Variants in NPR3 observed in about 807,000 individuals in gnomAD.
NPR3 encodes natriuretic peptide receptor 3.
A neutral mutation model predicts 54.5 loss-of-function variants in NPR3; 34 were observed. That is an observed-to-expected ratio of 0.62 (90% CI 0.47 to 0.83). The LOEUF (loss-of-function observed/expected upper bound fraction) is 0.83, where lower values mean the gene tolerates loss of function less well. Among genes scored for constraint, NPR3 ranks in the 40% least tolerant of loss-of-function variants. The pLI, the probability that NPR3 is intolerant of heterozygous loss-of-function variation, is 0.00. For missense variants in NPR3, 674 were observed against 720.8 expected, an observed-to-expected ratio of 0.94 and a Z score of 0.74; for synonymous variants, 289 against 297.1, an observed-to-expected ratio of 0.97 and a Z score of 0.28.
chr5:32,724,577 A>G, intron 1 of NPR3, 121 bp from the exon 2 acceptor site: 1 of 1,126,412 alleles, frequency 8.9e-7, no homozygotes, highest in Non-Finnish European at 1.3e-6. Context: ...AGTGATTGTG[A>G]GGAGATACTT....
chr5:32,768,021 C>G (rs923922138), intron 3 of NPR3, among the ~76,000 whole-genome samples: 1 of 152,164 alleles, frequency 6.6e-6, no homozygotes, highest in African/African-American at 2.4e-5. Context: ...TATTGCTGCC[C>G]GGCACAGTTG....
chr5:32,750,315 T>C (rs1289307663), intron 3 of NPR3, among the ~76,000 whole-genome samples: 1 of 152,108 alleles, frequency 6.6e-6, no homozygotes, highest in Non-Finnish European at 1.5e-5. Flanking sequence ...TTTGGATTTT[T>C]AGTAGAGACA....
chr5:32,712,394 C>T lies in NPR3; in HGVS notation c.618C>T (p.Asp206=), dbSNP rs377654614. 2 of 1,613,176 alleles carry T rather than the reference C, an allele frequency of 1.2e-6. No individual in the cohort carries two copies. Among genetic ancestry groups the T allele is most frequent in the African/African-American group, 2.7e-5 (2 of 74,942 alleles). The change falls in exon 1 of 8, where the codon GAC becomes GAT. Residue 206 remains aspartate (D), a synonymous_variant. Coordinates refer to ENST00000265074, the MANE Select transcript of NPR3 (RefSeq NM_001204375.2). ...GCCGCGCTGCACTGGTCTACAGCGA[C>T]GACAAGCTGGAGCGGAACTGCTACT... The part of the protein sequence containing the change: ...HWSRAALVYS[D]DKLERNCYFT...
intron 3 of NPR3, among the ~76,000 whole-genome samples, chr5:32,751,866 A>G (rs1455733019): frequency 2.4e-4 from 36 of 152,182 alleles, no homozygotes; most frequent in Non-Finnish European, 1.5e-4. Context: ...CAATGCTCTA[A>G]TTTCCTTATA....
intron 2 of NPR3, among the ~76,000 whole-genome samples, chr5:32,737,801 G>T (rs1379747055): frequency 6.6e-6 from 1 of 152,120 alleles, no homozygotes; most frequent in Non-Finnish European, 1.5e-5. Flanking sequence ...GGGATACCTA[G>T]CTTCTCAATG....
At chr5:32,699,361 C>T (rs1740609907) in intron 1 of NPR3, among the ~76,000 whole-genome samples, 2 of 152,076 alleles carry the variant, frequency 1.3e-5, no homozygotes, top group African/African-American at 2.4e-5. Context: ...CATAGGTATA[C>T]GTGTGTCATG....
chr5:32,711,923 G>A lies in NPR3; in HGVS notation c.147G>A (p.Pro49=). ...GACGCCAGGAGAGAGAGGCGCTGCCGCCACAGAAGATCGAGGTGCTGGTGT... is the reference window on the plus strand; with the variant it reads ...GACGCCAGGAGAGAGAGGCGCTGCCACCACAGAAGATCGAGGTGCTGGTGT... ...GGGRQEREAL[P]PQKIEVLVLL... is the part of the protein sequence containing the mutation. The change falls in exon 1 of 8, where the codon CCG becomes CCA. Residue 49 remains proline, a synonymous_variant. Transcript: ENST00000265074. The A allele has an allele frequency of 6.6e-7, 1 of 1,504,224 alleles. No individual in the cohort carries two copies. Among genetic ancestry groups the A allele is most frequent in the Non-Finnish European group, 8.9e-7 (1 of 1,124,664 alleles). 93.2% of individuals were successfully genotyped at this position (1,504,224 alleles called of 1,614,324 possible). A position where few individuals can be genotyped will look rare whatever the true frequency, so the allele number is the denominator to read the frequency against.
intron 1 of NPR3, among the ~76,000 whole-genome samples, chr5:32,723,016 T>C (rs1738945365): frequency 6.6e-6 from 1 of 152,136 alleles, no homozygotes; most frequent in Non-Finnish European, 1.5e-5. Context: ...GATCTAACAC[T>C]GAATTAACGT....
intron 3 of NPR3, among the ~76,000 whole-genome samples, chr5:32,741,990 A>G (rs1740061147): frequency 6.6e-6 from 1 of 150,566 alleles, no homozygotes; most frequent in South Asian, 2.1e-4. Flanking sequence ...GGAGCCAAAG[A>G]GCCAGCACCT....
intron 4 of NPR3, among the ~76,000 whole-genome samples, chr5:32,777,708 C>T (rs1220323893): frequency 6.6e-6 from 1 of 152,144 alleles, no homozygotes; most frequent in Non-Finnish European, 1.5e-5. Context: ...TCATTTCTCT[C>T]TAGTGGATGC....
intron 3 of NPR3, among the ~76,000 whole-genome samples, chr5:32,757,513 G>A (rs1437058797): frequency 6.6e-6 from 1 of 152,146 alleles, no homozygotes; most frequent in East Asian, 1.9e-4. Flanking sequence ...GAGATGATGG[G>A]TTTTTCTAAA....
At chr5:32,719,721 G>T (rs1218783242) in intron 1 of NPR3, among the ~76,000 whole-genome samples, 1 of 148,478 alleles carries the variant, frequency 6.7e-6, no homozygotes, top group East Asian at 1.9e-4. Flanking sequence ...TTTCTTATTT[G>T]GATGCTAGAC....
At chr5:32,710,886 G>GTA, upstream of NPR3, 1 of 932,250 alleles carries the variant, frequency 1.1e-6, no homozygotes. Context: ...CACGGTGTGT[G>GTA]TGTGTATATG....
chr5:32,767,775 C>A lies in NPR3; in HGVS notation c.1060-6933C>A, dbSNP rs367967631. ...AAAAAAAAAGCCATCCATATAAAAA[C>A]CTGTATTTTTGTTCATCTCTTCTTT... On this transcript the variant is annotated intron_variant, in intron 3 of 7. Coordinates refer to ENST00000265074, the MANE Select transcript of NPR3 (RefSeq NM_001204375.2). Among the ~76,000 whole-genome samples the A allele has an allele frequency of 4.3e-3, 653 of 152,036 alleles. 2 individuals are homozygous for A. Among genetic ancestry groups the A allele is most frequent in the African/African-American group, 0.013 (551 of 41,470 alleles).
Position 32,728,829 on chromosome 5 carries a change from GTGTGTGTGTATATATA to G in NPR3, c.892+4011_892+4026del, listed in dbSNP as rs1202396038. On this transcript the variant is annotated intron_variant, in intron 2 of 7. Transcript: ENST00000265074. ...TTTTGGAATATTTGTGTGTGTGTGT[GTGTGTGTGTATATATA>G]TATATATATATATATATATATATAT... 2.1e-3 allele frequency among the ~76,000 whole-genome samples: 160 copies of G among 76,184 alleles called. 1 individual carries two copies. Among genetic ancestry groups the G allele is most frequent in the African/African-American group, 6.1e-3 (120 of 19,664 alleles). 50.0% of individuals were successfully genotyped at this position (76,184 alleles called of 152,430 possible). A position where few individuals can be genotyped will look rare whatever the true frequency, so the allele number is the denominator to read the frequency against.
chr5:32,706,842 GT>G (rs1437454204), upstream of NPR3, among the ~76,000 whole-genome samples: 4 of 152,062 alleles, frequency 2.6e-5, no homozygotes, highest in African/African-American at 9.7e-5. Context: ...AGGACCCTTG[GT>G]TTTTTAGGGA....
At chr5:32,726,806 C>A (rs1739159340) in intron 2 of NPR3, among the ~76,000 whole-genome samples, 1 of 152,144 alleles carries the variant, frequency 6.6e-6, no homozygotes, top group African/African-American at 2.4e-5. Context: ...GCCACACAGA[C>A]AAAAGTACAC....
chr5:32,720,913 G>T (rs1738823513), intron 1 of NPR3, among the ~76,000 whole-genome samples: 1 of 152,134 alleles, frequency 6.6e-6, no homozygotes, highest in African/African-American at 2.4e-5. Flanking sequence ...TGCTTATTAT[G>T]ATAAATATGT....
At chr5:32,698,521 GTTTC>G (rs1740588404) in intron 1 of NPR3, among the ~76,000 whole-genome samples, 2 of 152,088 alleles carry the variant, frequency 1.3e-5, no homozygotes, top group African/African-American at 4.8e-5. Flanking sequence ...TAAGTTCAAT[GTTTC>G]TTTGTCAATA....
Sources: allele counts gnomAD v4.1 joint callset (sites outside exome capture counted in the v4.1 genomes callset), GRCh38; gene constraint gnomAD v4.1.1; transcripts MANE v1.5; gene names NCBI Gene and HGNC (gene_info 2026-07-23, HGNC 2026-07-21).